ERGIC3: variants seen among roughly 807,000 people sequenced by gnomAD.
ERGIC3 encodes the protein ERGIC and golgi 3, also known as endoplasmic reticulum-Golgi intermediate compartment protein 3.
ERGIC3 carries 33 observed loss-of-function variants against 54.7 expected under a neutral mutation model. That is an observed-to-expected ratio of 0.60 (90% CI 0.46 to 0.81). The LOEUF is 0.81. ERGIC3 is among the 30% of genes least tolerant of loss of function. The pLI, the probability that ERGIC3 is intolerant of heterozygous loss-of-function variation, is 0.00. For synonymous variants in ERGIC3, 186 were observed against 189.8 expected (o/e 0.98, Z 0.16); for missense variants, 399 against 488.4 (o/e 0.82, Z 1.73).
intron 7 of ERGIC3, among the ~76,000 whole-genome samples, chr20:35,552,584 A>G (rs224417): frequency 1 from 151,659 of 152,322 alleles, 75,505 homozygotes; most frequent in Middle Eastern, 1. Flanking sequence ...CAGGATGTGG[A>G]GAAGCCAGTG....
intron 7 of ERGIC3, among the ~76,000 whole-genome samples, chr20:35,552,680 G>A (rs985368800): frequency 6.6e-6 from 1 of 152,182 alleles, no homozygotes; most frequent in Non-Finnish European, 1.5e-5. Context: ...AAATTAGAAA[G>A]CTGGTGGAGC....
Position 35,548,496 on chromosome 20 carries a change from C to A in ERGIC3, c.462-13C>A. 1 of 1,613,508 alleles carries A rather than the reference C, an allele frequency of 6.2e-7. No homozygotes were observed. The highest frequency in any genetic ancestry group is 1.1e-5 in the South Asian group (1 of 90,980). Reference sequence around the variant, plus strand: ...CCTCTTTAACACTCTCACCGTCACTCCCTGCCCTACAGGTGCTGTAACACC... The same window carrying A: ...CCTCTTTAACACTCTCACCGTCACTACCTGCCCTACAGGTGCTGTAACACC... On this transcript the variant is annotated splice_polypyrimidine_tract_variant and intron_variant, in intron 5 of 12. Coordinates refer to ENST00000348547, the MANE Select transcript of ERGIC3 (RefSeq NM_015966.3).
At chr20:35,554,479 G>A (rs2064700599) in intron 7 of ERGIC3, 1 of 1,424,872 alleles carries the variant, frequency 7.0e-7, no homozygotes, top group Non-Finnish European at 9.9e-7. Flanking sequence ...GGCTGTGATT[G>A]GGTCTCCTCT....
intron 7 of ERGIC3, among the ~76,000 whole-genome samples, chr20:35,553,623 T>C (rs974855959): frequency 6.8e-6 from 1 of 146,018 alleles, no homozygotes; most frequent in Non-Finnish European, 1.5e-5. Flanking sequence ...GTAGCTCTGC[T>C]GGTCTTCAGG....
At chr20:35,556,446 G>C in intron 10 of ERGIC3, 175 bp downstream of exon 10, 1 of 672,320 alleles carries the variant, frequency 1.5e-6, no homozygotes, top group East Asian at 2.7e-5. Context: ...GCAGGCCTGG[G>C]GCTGTTAGAT....
Position 35,542,824 on chromosome 20 carries a change from C to A in ERGIC3, c.250C>A (p.Leu84Met). 2 of 1,614,136 alleles carry A rather than the reference C, an allele frequency of 1.2e-6. No individual in the cohort carries two copies. Among genetic ancestry groups the A allele is most frequent in the South Asian group, 2.2e-5 (2 of 91,048 alleles). ...VLFPHMPCAY[L>M]SIDAMDVAGE... ...TAGCCTGATTTTCCTGCTTCCAGAT[C>A]TGAGTATTGATGCCATGGATGTGGC... is the stretch of plus-strand genomic sequence containing the variant. The change falls in exon 4 of 13, where the codon CTG becomes ATG. Residue 84 changes from leucine (L) to methionine (M), a missense_variant and splice_region_variant. By Grantham distance (15) the Leu-to-Met change is conservative. Transcript: ENST00000348547.
In ERGIC3 at chr20:35,548,521, C is replaced by T. The variant is rs1374741940; in HGVS notation, c.474C>T (p.Thr158=). The change falls in exon 6 of 13, where the codon ACC becomes ACT. Residue 158 remains threonine (T), a synonymous_variant. Coordinates refer to ENST00000348547, the MANE Select transcript of ERGIC3 (RefSeq NM_015966.3). ...AEAEDIKCCN[T]CEDVREAYRR... ...CCCTGCCCTACAGGTGCTGTAACAC[C>T]TGTGAAGATGTGCGGGAGGCATATC... is the stretch of plus-strand genomic sequence containing the variant. 5.0e-6 allele frequency: 8 copies of T among 1,614,128 alleles called. No individual in the cohort carries two copies. The highest frequency in any genetic ancestry group is 2.2e-5 in the East Asian group (1 of 44,882).
intron 4 of ERGIC3, chr20:35,543,670 G>A (rs547292375): frequency 9.1e-5 from 43 of 471,104 alleles, no homozygotes; most frequent in African/African-American, 8.6e-4. Context: ...GATTAATGCA[G>A]GACACCAGTG....
intron 7 of ERGIC3, 199 bp from the exon 8 acceptor site, chr20:35,554,845 T>C: frequency 1.5e-6 from 1 of 683,134 alleles, no homozygotes; most frequent in Non-Finnish European, 2.6e-6. Flanking sequence ...TAAAGACTCC[T>C]GAGGAGGGCG....
rs1190214116 is a variant in ERGIC3 at position 35,547,314 on chromosome 20, CTT to C, written c.368-95_368-94del. ...ACTATATGAATATTAGTTATTATAA[CTT>C]TTATTATCCCTAAGCAAAGGGCTTG... On this transcript the variant is annotated intron_variant, in intron 4 of 12. Coordinates refer to ENST00000348547, the MANE Select transcript of ERGIC3 (RefSeq NM_015966.3). 1.7e-5 allele frequency: 15 copies of C among 862,700 alleles called. No homozygotes were observed. In the African/African-American group the frequency reaches 2.0e-4, roughly 12 times the overall value. 53.4% of individuals were successfully genotyped at this position (862,700 alleles called of 1,614,324 possible).
Position 35,548,542 on chromosome 20 carries a change from A to G in ERGIC3, c.495A>G (p.Ala165=), listed in dbSNP as rs773239963. ...CCNTCEDVRE[A]YRRRGWAFKN... ...ACACCTGTGAAGATGTGCGGGAGGC[A>G]TATCGCCGTAGAGGCTGGGCCTTCA... The change falls in exon 6 of 13, where the codon GCA becomes GCG. Residue 165 remains alanine, a synonymous_variant. Coordinates refer to ENST00000348547, the MANE Select transcript of ERGIC3 (RefSeq NM_015966.3). The G allele has an allele frequency of 1.1e-5, 18 of 1,614,082 alleles. No individual in the cohort carries two copies. In the Admixed American group the frequency reaches 2.2e-4, roughly 19 times the overall value.
rs181575456 is a variant in ERGIC3 at position 35,551,723 on chromosome 20, A to G, written c.685+2858A>G. ...CTGCCAGCCACGGACGGGTGTTTCA[A>G]ATACCACATCAGATGCTTCTGGATG... On this transcript the variant is annotated intron_variant, in intron 7 of 12. Coordinates refer to ENST00000348547, the MANE Select transcript of ERGIC3 (RefSeq NM_015966.3). Among the ~76,000 whole-genome samples the G allele has an allele frequency of 4.7e-3, 714 of 152,314 alleles. 5 individuals carry two copies. The highest frequency in any genetic ancestry group is 0.016 in the African/African-American group (667 of 41,566).
rs763473232 is a variant in ERGIC3, at chr20:35,557,268, C to T, written c.1072+19C>T. On this transcript the variant is annotated intron_variant, in intron 12 of 12. Coordinates refer to ENST00000348547, the MANE Select transcript of ERGIC3 (RefSeq NM_015966.3). ...TTCACAGGTAAGAGGCCCAGGGCGT[C>T]TGTGAGCTGTGGGGTGGGGAGGGTA... is the stretch of plus-strand genomic sequence containing the variant. The T allele has an allele frequency of 1.2e-6, 2 of 1,613,948 alleles. No individual in the cohort carries two copies. Among genetic ancestry groups the T allele is most frequent in the African/African-American group, 1.3e-5 (1 of 75,004 alleles).
intron 2 of ERGIC3, 59 bp from the exon 3 acceptor site, chr20:35,542,454 G>T (rs1291870762): frequency 8.7e-6 from 14 of 1,613,796 alleles, no homozygotes; most frequent in Non-Finnish European, 1.2e-5. Flanking sequence ...GACCTTTAGG[G>T]GTGGGAGTGG....
intron 3 of ERGIC3, 71 bp from the exon 4 acceptor site, chr20:35,542,751 C>T (rs6142404): frequency 1.9e-6 from 3 of 1,612,798 alleles, no homozygotes; most frequent in Non-Finnish European, 2.5e-6. Flanking sequence ...CCAGTATCCC[C>T]TTCCCCTCCA....
At chr20:35,550,879 G>C (rs2147307547) in intron 7 of ERGIC3, among the ~76,000 whole-genome samples, 1 of 152,340 alleles carries the variant, frequency 6.6e-6, no homozygotes, top group East Asian at 1.9e-4. Context: ...ACGGCCCAGA[G>C]TGGCAGTGGA....
In ERGIC3 at chr20:35,542,952, G is replaced by T; in HGVS notation, c.367+11G>T. On this transcript the variant is annotated intron_variant, in intron 4 of 12. Coordinates refer to ENST00000348547, the MANE Select transcript of ERGIC3 (RefSeq NM_015966.3). ...AGGCTGAGCGGCATGGTAACCAGGG[G>T]AGGGGGCCGGGTCTCAGATCCCAAA... 6.2e-7 allele frequency: 1 copy of T among 1,613,678 alleles called. No homozygotes were observed. Among genetic ancestry groups the T allele is most frequent in the Non-Finnish European group, 8.5e-7 (1 of 1,179,878 alleles).
chr20:35,551,382 C>T (rs568982697), intron 7 of ERGIC3, among the ~76,000 whole-genome samples: 1 of 151,900 alleles, frequency 6.6e-6, no homozygotes, highest in Admixed American at 6.6e-5. Context: ...TGGGATCGTA[C>T]AGCTGGTATT....
intron 7 of ERGIC3, among the ~76,000 whole-genome samples, chr20:35,550,677 T>C (rs1259825326): frequency 6.6e-6 from 1 of 151,918 alleles, no homozygotes; most frequent in Non-Finnish European, 1.5e-5. Flanking sequence ...TGCAGGGGCA[T>C]TGTAGGGACT....
Sources: gnomAD v4.1 joint callset for allele counts (sites outside exome capture counted in the v4.1 genomes callset) on GRCh38, gnomAD v4.1.1 for gene constraint, MANE v1.5 for transcripts, NCBI Gene and HGNC (gene_info 2026-07-23, HGNC 2026-07-21) for gene names.